SSUH2: variants seen among roughly 807,000 people sequenced by gnomAD.
SSUH2 encodes the protein ssu-2 homolog.
A neutral mutation model predicts 55.3 loss-of-function variants in SSUH2; 47 were observed. The observed-to-expected ratio is 0.85, with a 90% CI of 0.67 to 1.08. SSUH2 has a LOEUF of 1.08. Among genes scored for constraint, SSUH2 ranks in the 50% least tolerant of loss-of-function variants. SSUH2 has a pLI of 0.00. For synonymous variants in SSUH2, 212 were observed against 191.5 expected (o/e 1.11, Z -0.89); for missense variants, 535 against 490.7 (o/e 1.09, Z -0.85).
intron 1 of SSUH2, 100 bp downstream of exon 1, chr3:8,644,631 C>T: frequency 9.5e-7 from 1 of 1,050,342 alleles, no homozygotes; most frequent in Non-Finnish European, 1.4e-6. Context: ...ACTATGGATA[C>T]ATAACTTCCA....
At chr3:8,665,035 T>C (rs182883609) in intron 5 of SSUH2, among the ~76,000 whole-genome samples, 18 of 152,314 alleles carry the variant, frequency 1.2e-4, no homozygotes, top group African/African-American at 4.1e-4. Flanking sequence ...CCCTGCTGTC[T>C]ACACCCACTT....
intron 1 of SSUH2, among the ~76,000 whole-genome samples, chr3:8,636,758 G>A (rs112821218): frequency 6.6e-6 from 1 of 152,014 alleles, no homozygotes; most frequent in Non-Finnish European, 1.5e-5. Flanking sequence ...CTCTTCACAG[G>A]TATCTTCAAG....
chr3:8,629,031 A>AT (rs560598917), intron 7 of SSUH2, among the ~76,000 whole-genome samples: 388 of 150,538 alleles, frequency 2.6e-3, no homozygotes, highest in Non-Finnish European at 3.9e-3. Flanking sequence ...AATTTTTTGT[A>AT]TTTTTTTTTA....
At chr3:8,630,441 G>T (rs1698535128) in intron 6 of SSUH2, among the ~76,000 whole-genome samples, 1 of 152,188 alleles carries the variant, frequency 6.6e-6, no homozygotes, top group South Asian at 2.1e-4. Context: ...AGGGTTTTAA[G>T]TTTTTATTTT....
intron 2 of SSUH2, among the ~76,000 whole-genome samples, 178 bp downstream of exon 2, chr3:8,635,581 T>C (rs1397586506): frequency 1.3e-5 from 2 of 152,208 alleles, no homozygotes; most frequent in Non-Finnish European, 2.9e-5. Flanking sequence ...GGACTGTTCA[T>C]AGACAGAAGG....
intron 6 of SSUH2, among the ~76,000 whole-genome samples, chr3:8,663,297 A>G (rs62244194): frequency 0.041 from 6,315 of 152,330 alleles, 173 homozygotes; most frequent in Middle Eastern, 0.065. Flanking sequence ...GCTCTACCAC[A>G]CTGCATTATT....
At chr3:8,654,476 A>G (rs1702734083) in intron 7 of SSUH2, among the ~76,000 whole-genome samples, 1 of 152,190 alleles carries the variant, frequency 6.6e-6, no homozygotes, top group Admixed American at 6.5e-5. Context: ...TCTCCTCTCA[A>G]TAGACACCCA....
chr3:8,653,782 T>C (rs1702666110), intron 7 of SSUH2, among the ~76,000 whole-genome samples: 1 of 152,206 alleles, frequency 6.6e-6, no homozygotes, highest in African/African-American at 2.4e-5. Flanking sequence ...ACTGGATGCA[T>C]TTTGACAAAG....
intron 6 of SSUH2, among the ~76,000 whole-genome samples, chr3:8,661,027 G>C (rs567124279): frequency 1.5e-4 from 23 of 152,362 alleles, no homozygotes; most frequent in Middle Eastern, 3.4e-3. Flanking sequence ...TGGAAGAATG[G>C]ATGAAGCTGT....
At chr3:8,650,154 T>C (rs1270910649) in intron 7 of SSUH2, among the ~76,000 whole-genome samples, 1 of 152,090 alleles carries the variant, frequency 6.6e-6, no homozygotes, top group Admixed American at 6.5e-5. Context: ...AGGGAGGCTG[T>C]CCCTGGCCCC....
At position 8,678,780 on chromosome 3, in the gene SSUH2, C is replaced by T. The variant is rs1270578589; in HGVS notation, c.-901+925G>A. Among the ~76,000 whole-genome samples the T allele has an allele frequency of 4.6e-4, 51 of 110,188 alleles. 10 individuals are homozygous for T. Among genetic ancestry groups the T allele is most frequent in the African/African-American group, 1.5e-3 (48 of 32,222 alleles). The allele number at this position is 110,188 out of a possible 152,430, so 72.3% of individuals were successfully genotyped here. Reference sequence around the variant, plus strand: ...GAAAGAGAGCCAGCCCCTCTTCCCTCCCTGCCACTTAGGACCCCATCGCAG... The same window carrying T: ...GAAAGAGAGCCAGCCCCTCTTCCCTTCCTGCCACTTAGGACCCCATCGCAG... On this transcript the variant is annotated intron_variant, in intron 2 of 18. Transcript: ENST00000317371.
intron 7 of SSUH2, 92 bp from the exon 8 acceptor site, chr3:8,627,875 AC>A: frequency 8.7e-7 from 1 of 1,146,490 alleles, no homozygotes; most frequent in Non-Finnish European, 1.2e-6. Context: ...CAGCCTGGTG[AC>A]CTTCCTCCCC....
At chr3:8,668,411 A>G (rs1704192822) in intron 5 of SSUH2, among the ~76,000 whole-genome samples, 1 of 152,268 alleles carries the variant, frequency 6.6e-6, no homozygotes, top group Non-Finnish European at 1.5e-5. Flanking sequence ...AAAATGATTC[A>G]TCTCTCTTGG....
intron 1 of SSUH2, among the ~76,000 whole-genome samples, chr3:8,642,268 CT>C (rs1700980053): frequency 6.6e-6 from 1 of 152,194 alleles, no homozygotes; most frequent in African/African-American, 2.4e-5. Flanking sequence ...GGACACTGCA[CT>C]TTAAGAAAAG....
intron 11 of SSUH2, among the ~76,000 whole-genome samples, chr3:8,621,938 G>A (rs570035121): frequency 3.8e-5 from 5 of 130,270 alleles, no homozygotes; most frequent in South Asian, 2.4e-4. Context: ...CACAACCCCC[G>A]CAATCCCCCT....
chr3:8,675,585 C>T (rs1293729147), intron 3 of SSUH2, among the ~76,000 whole-genome samples: 1 of 89,788 alleles, frequency 1.1e-5, no homozygotes, highest in East Asian at 4.5e-4. Context: ...GGTCGGAACG[C>T]AGCCCAGGAT....
intron 5 of SSUH2, among the ~76,000 whole-genome samples, chr3:8,664,568 T>G (rs776542649): frequency 1.3e-5 from 2 of 152,158 alleles, no homozygotes; most frequent in African/African-American, 2.4e-5. Context: ...ATGCACCCCA[T>G]TTTGAGAAAC....
intron 2 of SSUH2, 47 bp downstream of exon 2, chr3:8,635,712 T>G (rs745421487): frequency 6.8e-7 from 1 of 1,475,218 alleles, no homozygotes; most frequent in South Asian, 1.3e-5. Flanking sequence ...CCAACCAGCG[T>G]GAGCCCTAGG....
chr3:8,629,570 A>C, intron 7 of SSUH2, 94 bp downstream of exon 7: 1 of 1,061,818 alleles, frequency 9.4e-7, no homozygotes, highest in South Asian at 1.4e-5. Flanking sequence ...CAGTTACTGC[A>C]GGGAGCCTCA....
Sources: allele counts gnomAD v4.1 joint callset (sites outside exome capture counted in the v4.1 genomes callset), GRCh38; gene constraint gnomAD v4.1.1; transcripts MANE v1.5; gene names NCBI Gene and HGNC (gene_info 2026-07-23, HGNC 2026-07-21).